DNM2: variants seen among roughly 807,000 people sequenced by gnomAD.
DNM2 encodes the protein dynamin-2.
DNM2 carries 15 observed loss-of-function variants against 99.0 expected under a neutral mutation model. That is an observed-to-expected ratio of 0.15 (90% CI 0.10 to 0.23). The LOEUF (loss-of-function observed/expected upper bound fraction) is 0.23. Among genes scored for constraint, DNM2 ranks in the 10% least tolerant of loss-of-function variants. The pLI, the probability that DNM2 is intolerant of heterozygous loss-of-function variation, is 1.00. For missense variants in DNM2, 742 were observed against 1,189.4 expected (o/e 0.62, Z 5.53); for synonymous variants, 525 against 481.2 (o/e 1.09, Z -1.19).
rs371390474 is a variant in DNM2 at position 10,722,855 on chromosome 19, C to T, written c.161+4452C>T. Among the ~76,000 whole-genome samples the T allele has an allele frequency of 5.9e-5, 9 of 151,880 alleles. No homozygotes were observed. The East Asian group carries it at 1.2e-3, about 20-fold the overall frequency. ...TTGCCCAGGCTGGTCTCGACCTCCTCGCCTCAAATGATCCTCCTGCATCAG... is the reference window on the plus strand; with the variant it reads ...TTGCCCAGGCTGGTCTCGACCTCCTTGCCTCAAATGATCCTCCTGCATCAG... On this transcript the variant is annotated intron_variant, in intron 1 of 20. Transcript: ENST00000389253.
At chr19:10,786,324 A>C (rs2071556461) in intron 6 of DNM2, 1 of 614,002 alleles carries the variant, frequency 1.6e-6, no homozygotes, top group Non-Finnish European at 2.9e-6. Context: ...CCAGTGCCTG[A>C]TGTCGGCCCC....
chr19:10,771,956 G>A (rs2070994490), intron 2 of DNM2, among the ~76,000 whole-genome samples: 1 of 152,074 alleles, frequency 6.6e-6, no homozygotes, highest in Non-Finnish European at 1.5e-5. Flanking sequence ...AGTCTATTCA[G>A]TCTATAGGAA....
intron 1 of DNM2, among the ~76,000 whole-genome samples, chr19:10,753,505 C>G (rs1333690996): frequency 6.7e-6 from 1 of 149,250 alleles, no homozygotes; most frequent in Non-Finnish European, 1.5e-5. Context: ...TCACTACAAA[C>G]CTTTTCTTTT....
chr19:10,828,380 G>A (rs1296877800), intron 18 of DNM2, among the ~76,000 whole-genome samples: 2 of 152,012 alleles, frequency 1.3e-5, no homozygotes, highest in Admixed American at 6.6e-5. Flanking sequence ...AAGGTCAGGA[G>A]ATCGAGACCA....
intron 1 of DNM2, among the ~76,000 whole-genome samples, chr19:10,728,429 G>T (rs1434548287): frequency 9.9e-5 from 15 of 152,140 alleles, no homozygotes; most frequent in Non-Finnish European, 1.6e-4. Flanking sequence ...GGAAGGTGTG[G>T]GCCTGACTCT....
Position 10,811,733 on chromosome 19 carries a change from C to G in DNM2, c.1558-531C>G. 1 of 518,638 alleles carries G rather than the reference C, an allele frequency of 1.9e-6. No individual in the cohort carries two copies. The highest frequency in any genetic ancestry group is 3.8e-6 in the Non-Finnish European group (1 of 259,788). The allele number at this position is 518,638 out of a possible 1,614,324, so 32.1% of individuals were successfully genotyped here. A position where few individuals can be genotyped will look rare whatever the true frequency, so the allele number is the denominator to read the frequency against. On this transcript the variant is annotated intron_variant, in intron 14 of 20. Coordinates refer to ENST00000389253, the MANE Select transcript of DNM2 (RefSeq NM_001005361.3). This position sits in a 1 kb window ranked among gnomAD's most constrained non-coding sequence, Gnocchi z 5.4. ...GATGACAGCTACAGCCACACAATCC[C>G]CATCCATGGGGTCTCCCAGCCTGAA...
rs1379119761 is a variant in DNM2 at position 10,791,749 on chromosome 19, A to G, written c.993-1971A>G. Among the ~76,000 whole-genome samples, 6 of 151,680 alleles carry G rather than the reference A, an allele frequency of 4.0e-5. No homozygotes were observed. The South Asian group carries it at 1.0e-3, about 26-fold the overall frequency. ...TGTTGTCTGTCATTAGTTTAGTGCT[A>G]TGCCTTTGCTGACCTTGGTCCTGGT... On this transcript the variant is annotated intron_variant, in intron 7 of 20. Coordinates refer to ENST00000389253, the MANE Select transcript of DNM2 (RefSeq NM_001005361.3).
At chr19:10,823,999 C>A in intron 17 of DNM2, 100 bp downstream of exon 17, 1 of 1,146,854 alleles carries the variant, frequency 8.7e-7, no homozygotes, top group Non-Finnish European at 1.3e-6. Context: ...CCATGTTAGC[C>A]AGGAGTCTCT....
chr19:10,781,018 T>TAAAAAA (rs5827115), intron 5 of DNM2, among the ~76,000 whole-genome samples: 1 of 114,434 alleles, frequency 8.7e-6, no homozygotes, highest in Admixed American at 9.6e-5. Context: ...ACTCTGTCTT[T>TAAAAAA]AAAAAAAAAA....
chr19:10,784,787 A>C (rs1284539508), intron 6 of DNM2, among the ~76,000 whole-genome samples: 1 of 148,556 alleles, frequency 6.7e-6, no homozygotes, highest in African/African-American at 2.5e-5. Flanking sequence ...AGCTCGCCAG[A>C]CACTTTGTAT....
intron 12 of DNM2, among the ~76,000 whole-genome samples, chr19:10,805,559 C>T (rs186160445): frequency 2.6e-5 from 4 of 152,198 alleles, no homozygotes; most frequent in Admixed American, 1.3e-4. Flanking sequence ...TACTTGAGCC[C>T]GGGAGGGTCA....
intron 1 of DNM2, among the ~76,000 whole-genome samples, chr19:10,745,009 A>G (rs770283287): frequency 1.3e-5 from 2 of 152,208 alleles, no homozygotes; most frequent in Non-Finnish European, 2.9e-5. Context: ...CTGGCCTGCA[A>G]TCACAGTTAT....
intron 1 of DNM2, among the ~76,000 whole-genome samples, chr19:10,741,098 G>A (rs944464726): frequency 6.6e-5 from 10 of 152,086 alleles, no homozygotes; most frequent in African/African-American, 2.2e-4. Flanking sequence ...TATTGGTTTC[G>A]TATTTTCTAT....
At chr19:10,824,027 G>A in intron 17 of DNM2, 128 bp downstream of exon 17, 2 of 826,180 alleles carry the variant, frequency 2.4e-6, no homozygotes, top group Non-Finnish European at 3.9e-6. Context: ...TGTAGCAGAT[G>A]CCCACTTGAG....
At chr19:10,808,020 A>G (rs1023551512) in intron 13 of DNM2, among the ~76,000 whole-genome samples, 1 of 151,652 alleles carries the variant, frequency 6.6e-6, no homozygotes, top group Non-Finnish European at 1.5e-5. Flanking sequence ...GTGGGTGCCT[A>G]TAATTCCACC....
chr19:10,734,167 C>T (rs2069437322), intron 1 of DNM2, among the ~76,000 whole-genome samples: 1 of 150,824 alleles, frequency 6.6e-6, no homozygotes, highest in African/African-American at 2.4e-5. Flanking sequence ...CCAGCCTAGA[C>T]AACATATCAA....
rs959251065 is a variant in DNM2 at position 10,831,720 on chromosome 19, TG to T, written c.*676del. The T allele has an allele frequency of 3.2e-5, 32 of 986,232 alleles. No individual in the cohort carries two copies. The highest frequency in any genetic ancestry group is 3.9e-5 in the Non-Finnish European group (32 of 830,426). The allele number at this position is 986,232 out of a possible 1,614,324, so 61.1% of individuals were successfully genotyped here. A position where few individuals can be genotyped will look rare whatever the true frequency, so the allele number is the denominator to read the frequency against. On this transcript the variant is annotated 3_prime_UTR_variant, in exon 21 of 21. Coordinates refer to ENST00000389253, the MANE Select transcript of DNM2 (RefSeq NM_001005361.3). This position sits in a 1 kb window ranked among gnomAD's most constrained non-coding sequence, Gnocchi z 4.3. ...CCAGGGTGGCTGGGCTTGGGCTATGTGGGTGGTGGTGGCGGGGGGTCTTGGG... is the reference window on the plus strand; with the variant it reads ...CCAGGGTGGCTGGGCTTGGGCTATGTGGTGGTGGTGGCGGGGGGTCTTGGG...
chr19:10,737,269 ATGC>A (rs1301451019), intron 1 of DNM2, among the ~76,000 whole-genome samples: 2 of 151,906 alleles, frequency 1.3e-5, no homozygotes, highest in African/African-American at 4.8e-5. Context: ...GCTTTTTCAC[ATGC>A]TGCTTCCACT....
intron 1 of DNM2, among the ~76,000 whole-genome samples, chr19:10,737,081 GAGGCTGA>G (rs1485358397): frequency 6.6e-6 from 1 of 152,096 alleles, no homozygotes; most frequent in Non-Finnish European, 1.5e-5. Flanking sequence ...CCAGGAATTT[GAGGCTGA>G]AGTGAGCTGT....
Sources: gnomAD v4.1 joint callset for allele counts (sites outside exome capture counted in the v4.1 genomes callset) on GRCh38, gnomAD v4.1.1 for gene constraint, Gnocchi (gnomAD v3.1) non-coding constraint, MANE v1.5 for transcripts, NCBI Gene and HGNC (gene_info 2026-07-23, HGNC 2026-07-21) for gene names.